The following PCDHGB3 variants were observed in gnomAD, a reference collection of about 807,000 sequenced individuals.
PCDHGB3 encodes the protein protocadherin gamma-B3.
Under a neutral mutation model 59.2 loss-of-function variants are expected in PCDHGB3, and 40 were observed. The ratio of observed to expected loss-of-function variants is 0.68; its 90% CI spans 0.52 to 0.88. PCDHGB3 has a LOEUF of 0.88. PCDHGB3 is among the 40% of genes least tolerant of loss of function. PCDHGB3 has a pLI of 0.00. For synonymous variants in PCDHGB3, 581 were observed against 503.6 expected, an observed-to-expected ratio of 1.15 and a Z score of -2.06; for missense variants, 1,309 against 1,187.9, an observed-to-expected ratio of 1.10 and a Z score of -1.50.
Position 141,372,164 on chromosome 5 carries a change from G to C in PCDHGB3, c.1770G>C (p.Lys590Asn). 1 of 1,613,780 alleles carries C rather than the reference G, an allele frequency of 6.2e-7. No homozygotes were observed. Among genetic ancestry groups the C allele is most frequent in the Non-Finnish European group, 8.5e-7 (1 of 1,179,940 alleles). The change falls in exon 1 of 4, where the codon AAG becomes AAC. Residue 590 changes from lysine (K) to asparagine (N), a missense_variant. By Grantham distance (94) the Lys-to-Asn change is moderately conservative (BLOSUM62 0). Transcript: ENST00000576222. ...CAGAGCCTGGCTACCTGGTGACCAA[G>C]GTGGTGGCGGTGGACGCAGACTCGG... is the stretch of plus-strand genomic sequence containing the variant. ...RSAEPGYLVT[K>N]VVAVDADSGY...
At chr5:141,389,794 G>A (rs1015982333) in intron 1 of PCDHGB3, 21 of 1,613,396 alleles carry the variant, frequency 1.3e-5, no homozygotes, top group East Asian at 2.2e-5. Flanking sequence ...GACGCCGTCC[G>A]CCAGCGCCTT....
At chr5:141,502,231 G>A (rs2099813372) in intron 2 of PCDHGB3, among the ~76,000 whole-genome samples, 1 of 152,172 alleles carries the variant, frequency 6.6e-6, no homozygotes, top group Non-Finnish European at 1.5e-5. Context: ...TGTTCTGTGT[G>A]TTCTTTTATC....
chr5:141,415,977 C>A (rs1479258110), intron 1 of PCDHGB3: 2 of 354,488 alleles, frequency 5.6e-6, no homozygotes, highest in Non-Finnish European at 9.4e-6. Context: ...CCTTAAGCAA[C>A]CCTCTTGTTC....
rs1000330093 is a variant in PCDHGB3 at position 141,511,812 on chromosome 5, C to T, written c.*639C>T. 2.5e-5 allele frequency: 4 copies of T among 157,260 alleles called. No individual in the cohort carries two copies. Among genetic ancestry groups the T allele is most frequent in the African/African-American group, 9.6e-5 (4 of 41,492 alleles). The allele number at this position is 157,260 out of a possible 1,614,324, so 9.7% of individuals were successfully genotyped here. The stretch of plus-strand genomic sequence containing the variant: ...TAGGGAGGGCATTTTGCTACCAAGC[C>T]TCTTCCCAACGCCCTGGGGACCAGT... On this transcript the variant is annotated 3_prime_UTR_variant, in exon 4 of 4. Transcript: ENST00000576222.
intron 2 of PCDHGB3, among the ~76,000 whole-genome samples, chr5:141,496,500 C>T (rs1350421492): frequency 6.6e-6 from 1 of 152,162 alleles, no homozygotes; most frequent in Non-Finnish European, 1.5e-5. Flanking sequence ...ACCCTTGTTG[C>T]CACAAGGACC....
rs200016406 is a variant in PCDHGB3 at position 141,383,092 on chromosome 5, C to T, written c.2415+10283C>T. The T allele has an allele frequency of 3.1e-4, 507 of 1,613,932 alleles. 2 individuals are homozygous for T. Among genetic ancestry groups the T allele is most frequent in the Middle Eastern group, 1.7e-3 (10 of 6,060 alleles). The stretch of plus-strand genomic sequence containing the variant: ...CCGGGAGCTGGCGGAGCGCGGAGTC[C>T]GCATCATCTCCAGAGGTAGGACGCA... On this transcript the variant is annotated intron_variant, in intron 1 of 3. Coordinates refer to ENST00000576222, the MANE Select transcript of PCDHGB3 (RefSeq NM_018924.5).
chr5:141,421,795 GC>G, intron 1 of PCDHGB3: 1 of 1,613,818 alleles, frequency 6.2e-7, no homozygotes, highest in East Asian at 2.2e-5. Context: ...AACGGATGGG[GC>G]CAAGAATCCA....
chr5:141,478,076 C>G (rs1486983629), intron 1 of PCDHGB3: 2 of 1,614,106 alleles, frequency 1.2e-6, no homozygotes, highest in Non-Finnish European at 1.7e-6. Context: ...CAATGGGGAG[C>G]CTTCGCTCTC....
chr5:141,433,122 G>C (rs1442464320), intron 1 of PCDHGB3: 1 of 1,614,134 alleles, frequency 6.2e-7, no homozygotes, highest in Admixed American at 1.7e-5. Flanking sequence ...TTTGAAAAAA[G>C]CGAGCCCCTT....
At chr5:141,395,134 A>G (rs1468654358) in intron 1 of PCDHGB3, 7 of 1,614,062 alleles carry the variant, frequency 4.3e-6, no homozygotes, top group Middle Eastern at 1.6e-4. Flanking sequence ...CCCCAGCCCA[A>G]CTACGCAGAC....
In PCDHGB3 at chr5:141,388,635, C is replaced by A. The variant is rs1441074974; in HGVS notation, c.2415+15826C>A. The A allele has an allele frequency of 4.3e-6, 7 of 1,613,896 alleles. No homozygotes were observed. The highest frequency in any genetic ancestry group is 5.9e-6 in the Non-Finnish European group (7 of 1,179,864). On this transcript the variant is annotated intron_variant, in intron 1 of 3. Transcript: ENST00000576222. ...CAGTCAAGACGTATACAGGGTGAGC[C>A]TTTCAGAAAACGTGTACCCGGGGAC...
chr5:141,423,195 G>C, intron 1 of PCDHGB3: 14 of 1,613,544 alleles, frequency 8.7e-6, no homozygotes, highest in Non-Finnish European at 1.2e-5. Flanking sequence ...CCCCTCTCTC[G>C]GCCACCGTCA....
chr5:141,511,237 T>C lies in PCDHGB3; in HGVS notation c.*64T>C, dbSNP rs886816274. 1.9e-6 allele frequency: 3 copies of C among 1,590,378 alleles called. No homozygotes were observed. The South Asian group carries it at 3.4e-5, about 18-fold the overall frequency. ...CCAACCAGCCCAGCTTCTCCTTACC[T>C]GCACCCAGGCCTCAGAGTTTCAGGG... On this transcript the variant is annotated 3_prime_UTR_variant, in exon 4 of 4. Coordinates refer to ENST00000576222, the MANE Select transcript of PCDHGB3 (RefSeq NM_018924.5).
chr5:141,421,507 G>A lies in PCDHGB3; in HGVS notation c.2415+48698G>A, dbSNP rs758920296. On this transcript the variant is annotated intron_variant, in intron 1 of 3. Coordinates refer to ENST00000576222, the MANE Select transcript of PCDHGB3 (RefSeq NM_018924.5). ...GATCACGGCAGGCAGGATAGACCGG[G>A]AGGAGCTCTGTGAGACGGTGTCCTC... The A allele has an allele frequency of 6.8e-6, 11 of 1,614,070 alleles. No homozygotes were observed. The South Asian group carries it at 1.2e-4, about 18-fold the overall frequency.
chr5:141,399,361 C>A (rs375619778), intron 1 of PCDHGB3: 1 of 1,613,960 alleles, frequency 6.2e-7, no homozygotes. Context: ...AGAGCAAACC[C>A]CGGAGTACAA....
intron 1 of PCDHGB3, chr5:141,420,410 A>G (rs2096494809): frequency 2.4e-6 from 3 of 1,236,296 alleles, no homozygotes; most frequent in South Asian, 4.4e-5. Flanking sequence ...TATGGTTATC[A>G]TTATTAAAAC....
At position 141,372,511 on chromosome 5, in the gene PCDHGB3, C is replaced by T; in HGVS notation, c.2117C>T (p.Ala706Val). The T allele has an allele frequency of 1.9e-6, 3 of 1,614,022 alleles. No homozygotes were observed. The highest frequency in any genetic ancestry group is 2.5e-6 in the Non-Finnish European group (3 of 1,179,886). ...TTGATCTCAGTGCTCTTCCTCCTCGCGGTGATTCTGGCAATCTCCCTGCGC... is the reference window on the plus strand; with the variant it reads ...TTGATCTCAGTGCTCTTCCTCCTCGTGGTGATTCTGGCAATCTCCCTGCGC... Reference protein sequence around the residue: ...LALISVLFLLAVILAISLRLR... With the variant: ...LALISVLFLLVVILAISLRLR... Residue 706 changes from alanine to valine, a missense_variant, in exon 1 of 4, where the codon GCG becomes GTG. Transcript: ENST00000576222.
At chr5:141,439,126 G>A (rs2098089550) in intron 1 of PCDHGB3, among the ~76,000 whole-genome samples, 1 of 151,328 alleles carries the variant, frequency 6.6e-6, no homozygotes, top group African/African-American at 2.4e-5. Flanking sequence ...CCGGGAGACA[G>A]AGGTTGCAGT....
chr5:141,398,189 T>A (rs926901002), intron 1 of PCDHGB3: 41 of 1,482,238 alleles, frequency 2.8e-5, no homozygotes, highest in Non-Finnish European at 3.5e-5. Context: ...TTTCTCTTCC[T>A]GCTGTCTTTG....
Sources: gnomAD v4.1 joint callset for allele counts (sites outside exome capture counted in the v4.1 genomes callset) on GRCh38, gnomAD v4.1.1 for gene constraint, MANE v1.5 for transcripts, NCBI Gene and HGNC (gene_info 2026-07-23, HGNC 2026-07-21) for gene names.